RAPGEF6: variants seen among roughly 807,000 people sequenced by gnomAD.
RAPGEF6 encodes the protein PDZ domain containing guanine nucleotide exchange factor (GEF) 2.
A neutral mutation model predicts 171.4 loss-of-function variants in RAPGEF6; 56 were observed. The ratio of observed to expected loss-of-function variants is 0.33; its 90% CI spans 0.26 to 0.41. The LOEUF is 0.41. RAPGEF6 is among the 10% of genes least tolerant of loss of function. The pLI, the probability that RAPGEF6 is intolerant of heterozygous loss-of-function variation, is 1.00. For synonymous variants in RAPGEF6, 692 were observed against 650.1 expected (o/e 1.06, Z -0.98); for missense variants, 1,674 against 1,921.4 (o/e 0.87, Z 2.41).
chr5:131,485,859 G>C (rs974867812), intron 15 of RAPGEF6, among the ~76,000 whole-genome samples: 1 of 152,186 alleles, frequency 6.6e-6, no homozygotes, highest in African/African-American at 2.4e-5. Flanking sequence ...ATCTGTGTCT[G>C]ATATTCTGGA....
rs376096619 is a variant in RAPGEF6, at chr5:131,425,886, C to CTTTTTTT, written c.*1373_*1379dup. 28 of 84,428 alleles carry CTTTTTTT rather than the reference C, an allele frequency of 3.3e-4. No individual in the cohort carries two copies. The highest frequency in any genetic ancestry group is 4.3e-4 in the South Asian group (1 of 2,328). The allele number at this position is 84,428 out of a possible 1,614,324, so 5.2% of individuals were successfully genotyped here. A position where few individuals can be genotyped will look rare whatever the true frequency, so the allele number is the denominator to read the frequency against. On this transcript the variant is annotated 3_prime_UTR_variant, in exon 28 of 28. Transcript: ENST00000509018. ...GGGTAGTGCACGTTAATGGCTTTGGCTTTTTTTTTTTTTTTTTTTTTGGTA... is the reference window on the plus strand; with the variant it reads ...GGGTAGTGCACGTTAATGGCTTTGGCTTTTTTTTTTTTTTTTTTTTTTTTTTTTGGTA...
intron 6 of RAPGEF6, among the ~76,000 whole-genome samples, chr5:131,524,213 T>G (rs1461483581): frequency 6.6e-6 from 1 of 152,016 alleles, no homozygotes; most frequent in African/African-American, 2.4e-5. Context: ...AAATGGGAAA[T>G]GTGTGGGTAA....
At chr5:131,522,940 T>C (rs1237579742) in intron 6 of RAPGEF6, among the ~76,000 whole-genome samples, 2 of 152,180 alleles carry the variant, frequency 1.3e-5, no homozygotes, top group African/African-American at 4.8e-5. Context: ...TTATACAGGA[T>C]TACTAGCATT....
chr5:131,432,462 CA>C (rs1164917752), intron 25 of RAPGEF6, among the ~76,000 whole-genome samples: 1 of 151,804 alleles, frequency 6.6e-6, no homozygotes, highest in East Asian at 1.9e-4. Flanking sequence ...ACTAAAAATA[CA>C]AAAAATTAGC....
At position 131,533,169 on chromosome 5, in the gene RAPGEF6, T is replaced by TACACACACACACACAC. The variant is rs3992020; in HGVS notation, c.496-11664_496-11649dup. On this transcript the variant is annotated intron_variant, in intron 6 of 27. Transcript: ENST00000509018. ...CCCCAAGAGCAATTTATTGAAAACA[T>TACACACACACACACAC]ACACACACACACACACACACACACA... The TACACACACACACACAC allele has an allele frequency of 2.6e-4, 35 of 136,944 alleles. 1 individual carries two copies. Among genetic ancestry groups the TACACACACACACACAC allele is most frequent in the African/African-American group, 6.6e-4 (24 of 36,434 alleles). The allele number at this position is 136,944 out of a possible 1,614,324, so 8.5% of individuals were successfully genotyped here.
chr5:131,610,813 C>T (rs1419564293), intron 1 of RAPGEF6, among the ~76,000 whole-genome samples: 1 of 152,156 alleles, frequency 6.6e-6, no homozygotes, highest in Non-Finnish European at 1.5e-5. Context: ...GCTCCCTGAA[C>T]TTCAAACCTA....
At chr5:131,532,675 TAA>T (rs748402185) in intron 6 of RAPGEF6, among the ~76,000 whole-genome samples, 2 of 145,380 alleles carry the variant, frequency 1.4e-5, no homozygotes, top group Non-Finnish European at 3.0e-5. Context: ...TCCAGAGGTT[TAA>T]AAAAAAAAAA....
At chr5:131,625,471 C>T (rs1765854200) in intron 1 of RAPGEF6, among the ~76,000 whole-genome samples, 1 of 152,060 alleles carries the variant, frequency 6.6e-6, no homozygotes, top group Admixed American at 6.6e-5. Context: ...CCACTGGGTC[C>T]AGGACCTTAT....
At chr5:131,449,442 C>T (rs916212463) in intron 21 of RAPGEF6, among the ~76,000 whole-genome samples, 1 of 152,158 alleles carries the variant, frequency 6.6e-6, no homozygotes, top group Non-Finnish European at 1.5e-5. Flanking sequence ...TGGATAAGGG[C>T]TGCCTCTTTT....
At chr5:131,594,679 A>T (rs1763788872) in intron 3 of RAPGEF6, among the ~76,000 whole-genome samples, 1 of 152,230 alleles carries the variant, frequency 6.6e-6, no homozygotes, top group Non-Finnish European at 1.5e-5. Flanking sequence ...TACCCTGCAG[A>T]GCCACAGGGG....
intron 24 of RAPGEF6, among the ~76,000 whole-genome samples, chr5:131,437,969 T>C (rs1406075962): frequency 6.6e-6 from 1 of 150,812 alleles, no homozygotes; most frequent in Non-Finnish European, 1.5e-5. Context: ...GTTTTGCTCT[T>C]GTCACCCAGG....
intron 22 of RAPGEF6, among the ~76,000 whole-genome samples, chr5:131,443,211 G>A (rs1250397893): frequency 3.9e-5 from 6 of 152,116 alleles, no homozygotes; most frequent in Non-Finnish European, 8.8e-5. Context: ...CCAAAGTGCT[G>A]GGATTACAGG....
At chr5:131,464,604 G>C (rs893299117) in intron 17 of RAPGEF6, among the ~76,000 whole-genome samples, 2 of 151,828 alleles carry the variant, frequency 1.3e-5, no homozygotes, top group African/African-American at 4.8e-5. Flanking sequence ...TTTTAATGAA[G>C]ACATAGTACT....
intron 5 of RAPGEF6, among the ~76,000 whole-genome samples, chr5:131,561,660 CAAA>C (rs35691525): frequency 9.9e-5 from 9 of 90,874 alleles, no homozygotes; most frequent in Non-Finnish European, 1.3e-4. Flanking sequence ...AACTCTGTCT[CAAA>C]AAAAAAAAAA....
At chr5:131,559,835 GA>G (rs201984288) in intron 5 of RAPGEF6, among the ~76,000 whole-genome samples, 2,655 of 94,904 alleles carry the variant, frequency 0.028, 74 homozygotes, top group African/African-American at 0.097. Context: ...TTTTCTTTAA[GA>G]AAAAAAGAAA....
At chr5:131,460,206 C>T (rs934363854) in intron 19 of RAPGEF6, among the ~76,000 whole-genome samples, 11 of 152,142 alleles carry the variant, frequency 7.2e-5, no homozygotes, top group Non-Finnish European at 1.3e-4. Flanking sequence ...CCTATCCACT[C>T]CCTTCTTTGG....
intron 17 of RAPGEF6, chr5:131,469,909 T>C (rs1754628833): frequency 1.0e-6 from 1 of 963,396 alleles, no homozygotes; most frequent in African/African-American, 1.7e-5. Flanking sequence ...TTTGATCTAG[T>C]AATAACTTTG....
At position 131,635,098 on chromosome 5, in the gene RAPGEF6, G is replaced by C; in HGVS notation, c.-68C>G. ...CGCCACAGTTCATTCACACTAGGTA[G>C]CGGGTGCGGTACCTTTCCCCCGCCC... is the stretch of plus-strand genomic sequence containing the variant. On this transcript the variant is annotated 5_prime_UTR_variant, in exon 1 of 28. Coordinates refer to ENST00000509018, the MANE Select transcript of RAPGEF6 (RefSeq NM_016340.6). 24 of 1,455,938 alleles carry C rather than the reference G, an allele frequency of 1.6e-5. No homozygotes were observed. Among genetic ancestry groups the C allele is most frequent in the Non-Finnish European group, 2.1e-5 (23 of 1,079,990 alleles). 90.2% of individuals were successfully genotyped at this position (1,455,938 alleles called of 1,614,324 possible).
chr5:131,501,569 A>T (rs1374288946), intron 11 of RAPGEF6, among the ~76,000 whole-genome samples: 1 of 151,984 alleles, frequency 6.6e-6, no homozygotes, highest in Non-Finnish European at 1.5e-5. Flanking sequence ...ACTTTCACTT[A>T]AAAAAATCAA....
Sources: allele counts gnomAD v4.1 joint callset (sites outside exome capture counted in the v4.1 genomes callset), GRCh38; gene constraint gnomAD v4.1.1; transcripts MANE v1.5; gene names NCBI Gene and HGNC (gene_info 2026-07-23, HGNC 2026-07-21).